OR6N1: variants seen among roughly 807,000 people sequenced by gnomAD.
The protein encoded by OR6N1 is olfactory receptor 6N1.
For synonymous variants in OR6N1, 170 were observed against 150.7 expected (o/e 1.13, Z -0.94); for missense variants, 394 against 371.7 (o/e 1.06, Z -0.49).
At position 158,765,983 on chromosome 1, in the gene OR6N1, T is replaced by C; in HGVS notation, c.700A>G (p.Lys234Glu). ...GCACACGTGGAGATGGCCTTCCTCT[T>C]GCCGGCAGCTGAGGGAATTCTGAGC... is the stretch of plus-strand genomic sequence containing the variant. The part of the protein sequence containing the change: ...TVLRIPSAAG[K>E]RKAISTCASH... Residue 234 changes from lysine to glutamate, a missense_variant, in exon 2 of 2, where the codon AAG (lysine) becomes GAG (glutamate). By Grantham distance (56) the Lys-to-Glu change is moderately conservative (BLOSUM62 1). Transcript: ENST00000641846. The C allele has an allele frequency of 1.9e-6, 3 of 1,614,162 alleles. No individual in the cohort carries two copies. The highest frequency in any genetic ancestry group is 2.5e-6 in the Non-Finnish European group (3 of 1,180,014).
upstream of OR6N1, among the ~76,000 whole-genome samples, chr1:158,773,943 G>T (rs765826450): frequency 3.3e-5 from 5 of 152,136 alleles, no homozygotes; most frequent in Admixed American, 6.6e-5. Flanking sequence ...TTTTTAAAAA[G>T]CTCCTGATTT....
chr1:158,779,562 T>C, the OR6N1 span, among the ~76,000 whole-genome samples: 3 of 152,254 alleles, frequency 2.0e-5, no homozygotes, highest in Non-Finnish European at 4.4e-5. Flanking sequence ...GGGTTTGATA[T>C]TTTAGAATAC....
the OR6N1 span, among the ~76,000 whole-genome samples, chr1:158,812,489 A>C: frequency 6.6e-6 from 1 of 152,216 alleles, no homozygotes. Context: ...GAAGTTAGAG[A>C]AAAGAATGAG....
At chr1:158,792,658 A>G in the OR6N1 span, among the ~76,000 whole-genome samples, 158 of 152,278 alleles carry the variant, frequency 1.0e-3, 1 homozygote, top group African/African-American at 3.6e-3. Context: ...TGGAGTAAAA[A>G]ATTATTGGTT....
At chr1:158,833,596 G>A in the OR6N1 span, among the ~76,000 whole-genome samples, 4 of 152,044 alleles carry the variant, frequency 2.6e-5, no homozygotes, top group South Asian at 8.3e-4. Flanking sequence ...TGCTTTTTGT[G>A]ACTGGCTTTT....
the OR6N1 span, among the ~76,000 whole-genome samples, chr1:158,811,752 A>C: frequency 6.6e-6 from 1 of 152,238 alleles, no homozygotes; most frequent in Admixed American, 6.5e-5. Context: ...TTCACTGTAA[A>C]AGATTTTCAC....
intron 1 of OR6N1, among the ~76,000 whole-genome samples, chr1:158,769,074 T>C (rs963249963): frequency 6.6e-6 from 1 of 152,208 alleles, no homozygotes; most frequent in Admixed American, 6.5e-5. Flanking sequence ...TCTATTAAGA[T>C]AACTGCTAAT....
the OR6N1 span, among the ~76,000 whole-genome samples, chr1:158,797,515 TTTG>T: frequency 6.6e-6 from 1 of 152,208 alleles, no homozygotes; most frequent in East Asian, 1.9e-4. Flanking sequence ...ATGTGTATAT[TTTG>T]TTGTTTGTTT....
At chr1:158,809,870 A>G in the OR6N1 span, among the ~76,000 whole-genome samples, 1 of 152,224 alleles carries the variant, frequency 6.6e-6, no homozygotes, top group Non-Finnish European at 1.5e-5. Context: ...GTGCCTGATG[A>G]TAATTCACCC....
chr1:158,769,834 T>C (rs961020531), intron 1 of OR6N1, among the ~76,000 whole-genome samples: 3 of 152,234 alleles, frequency 2.0e-5, no homozygotes, highest in African/African-American at 7.2e-5. Context: ...TTCAGAATAA[T>C]TACTTTATTA....
the OR6N1 span, among the ~76,000 whole-genome samples, chr1:158,834,551 T>G: frequency 2.6e-5 from 4 of 152,288 alleles, no homozygotes; most frequent in African/African-American, 9.6e-5. Context: ...GTGAATATTT[T>G]CTCTCATTCT....
At chr1:158,779,757 T>C in the OR6N1 span, among the ~76,000 whole-genome samples, 3,147 of 152,308 alleles carry the variant, frequency 0.021, 113 homozygotes, top group African/African-American at 0.071. Flanking sequence ...CTGCTTCTTA[T>C]CCTTCAAAAT....
the OR6N1 span, among the ~76,000 whole-genome samples, chr1:158,816,662 C>A: frequency 1.3e-5 from 2 of 152,224 alleles, no homozygotes; most frequent in African/African-American, 4.8e-5. Context: ...GCACTCCAGC[C>A]TGGGTGACAG....
At chr1:158,792,910 C>G in the OR6N1 span, among the ~76,000 whole-genome samples, 19 of 152,160 alleles carry the variant, frequency 1.2e-4, no homozygotes, top group Non-Finnish European at 2.6e-4. Context: ...TCAGAAACAC[C>G]TATAATTATT....
the OR6N1 span, among the ~76,000 whole-genome samples, chr1:158,810,981 AG>A: frequency 6.6e-6 from 1 of 152,126 alleles, no homozygotes; most frequent in African/African-American, 2.4e-5. Context: ...TTTATCACCC[AG>A]GTATTAAGCC....
chr1:158,799,488 G>C, the OR6N1 span, among the ~76,000 whole-genome samples: 2 of 152,160 alleles, frequency 1.3e-5, no homozygotes, highest in African/African-American at 4.8e-5. Flanking sequence ...GTCAGGGATG[G>C]TAAGGAGGGT....
At chr1:158,809,175 C>T in the OR6N1 span, 1 of 152,972 alleles carries the variant, frequency 6.5e-6, no homozygotes, top group Non-Finnish European at 1.5e-5. Context: ...CGTGAACAGT[C>T]CAGAATCTAA....
the OR6N1 span, among the ~76,000 whole-genome samples, chr1:158,793,500 G>C: frequency 7.9e-5 from 12 of 151,868 alleles, no homozygotes; most frequent in East Asian, 2.3e-3. Context: ...TAGTTTGTTG[G>C]TACTTGGCTT....
chr1:158,818,550 A>G, the OR6N1 span, among the ~76,000 whole-genome samples: 2 of 152,178 alleles, frequency 1.3e-5, no homozygotes, highest in Admixed American at 6.5e-5. Context: ...TAAAATATGA[A>G]AGAGCTTGAT....
Sources: allele counts gnomAD v4.1 joint callset (sites outside exome capture counted in the v4.1 genomes callset), GRCh38; gene constraint gnomAD v4.1.1; transcripts MANE v1.5; gene names NCBI Gene and HGNC (gene_info 2026-07-23, HGNC 2026-07-21).